The following CDH23 variants were observed in gnomAD, a reference collection of about 807,000 sequenced individuals.
The protein encoded by CDH23 is cadherin related 23.
In CDH23, 189 loss-of-function variants were observed where a neutral mutation model predicts 317.1. The observed-to-expected ratio is 0.60, with a 90% confidence interval of 0.53 to 0.67. The LOEUF is 0.67. Among genes scored for constraint, CDH23 ranks in the 30% least tolerant of loss-of-function variants. The pLI is 0.00. For synonymous variants in CDH23, 1,839 were observed against 1,876.8 expected (o/e 0.98, Z 0.52); for missense variants, 4,401 against 4,592.4 (o/e 0.96, Z 1.20).
At chr10:71,813,030 G>A (rs1841995234) in intron 68 of CDH23, 140 bp downstream of exon 68, 3 of 1,400,076 alleles carry the variant, frequency 2.1e-6, no homozygotes, top group Admixed American at 4.1e-5. Context: ...CTGATGGGGG[G>A]CTACTCCAGC....
chr10:71,541,510 G>C lies in CDH23; in HGVS notation c.430-25232G>C, dbSNP rs75256431. ...GCTAGGAGGAAACTTCTTCACTCTG[G>C]ACATTGAGGAGCACTGTGGAGAGTG... is the stretch of plus-strand genomic sequence containing the variant. On this transcript the variant is annotated intron_variant, in intron 6 of 69. Coordinates refer to ENST00000224721, the MANE Select transcript of CDH23 (RefSeq NM_022124.6). Among the ~76,000 whole-genome samples, 1,407 of 152,352 alleles carry C rather than the reference G, an allele frequency of 9.2e-3. 26 individuals carry two copies. The highest frequency in any genetic ancestry group is 0.032 in the African/African-American group (1,347 of 41,580).
chr10:71,567,269 G>A (rs1230243890), intron 7 of CDH23, among the ~76,000 whole-genome samples: 1 of 152,196 alleles, frequency 6.6e-6, no homozygotes, highest in Non-Finnish European at 1.5e-5. Flanking sequence ...CGACTCCATA[G>A]CCTGCTCGGG....
chr10:71,706,173 G>A (rs976831162), intron 25 of CDH23, among the ~76,000 whole-genome samples: 1 of 152,208 alleles, frequency 6.6e-6, no homozygotes, highest in African/African-American at 2.4e-5. Context: ...GAACCCAAGT[G>A]GGGTGGGGAT....
At chr10:71,800,015 C>T (rs1271244291) in intron 52 of CDH23, among the ~76,000 whole-genome samples, 1 of 152,252 alleles carries the variant, frequency 6.6e-6, no homozygotes, top group Non-Finnish European at 1.5e-5. Context: ...CTACTGTATA[C>T]ATGGCCCTAT....
intron 9 of CDH23, among the ~76,000 whole-genome samples, chr10:71,603,613 AG>A (rs113275050): frequency 9.9e-5 from 15 of 152,152 alleles, no homozygotes; most frequent in Admixed American, 5.2e-4. Flanking sequence ...AGCAGGCAGC[AG>A]GGGGGGCCTC....
In CDH23 at chr10:71,738,515, G is replaced by A. The variant is rs1351668789; in HGVS notation, c.4227G>A (p.Leu1409=). Residue 1409 remains leucine (L), a synonymous_variant, in exon 35 of 70, where the codon CTG becomes CTA. Coordinates refer to ENST00000224721, the MANE Select transcript of CDH23 (RefSeq NM_022124.6). The part of the protein sequence containing the change: ...DSTVKVYITV[L]DENDNSPRFD... Reference sequence around the variant, plus strand: ...ACCCTCAGGTCTACATCACTGTGCTGGACGAGAATGACAACAGCCCCCGGT... The same window carrying A: ...ACCCTCAGGTCTACATCACTGTGCTAGACGAGAATGACAACAGCCCCCGGT... 1 of 1,613,880 alleles carries A rather than the reference G, an allele frequency of 6.2e-7. No individual in the cohort carries two copies. The highest frequency in any genetic ancestry group is 8.5e-7 in the Non-Finnish European group (1 of 1,179,920).
intron 55 of CDH23, among the ~76,000 whole-genome samples, chr10:71,804,021 C>T (rs1278862631): frequency 6.6e-6 from 1 of 151,448 alleles, no homozygotes; most frequent in Non-Finnish European, 1.5e-5. Flanking sequence ...TGAAGTCTAA[C>T]TCTATCGCTT....
chr10:71,708,774 G>A (rs890965816), intron 26 of CDH23, among the ~76,000 whole-genome samples: 5 of 152,268 alleles, frequency 3.3e-5, no homozygotes, highest in African/African-American at 1.2e-4. Context: ...CCCACGCATG[G>A]AGAAACCCAG....
chr10:71,785,798 C>A (rs1841090305), intron 44 of CDH23, 60 bp downstream of exon 44: 2 of 990,854 alleles, frequency 2.0e-6, no homozygotes, highest in Non-Finnish European at 1.6e-6. Context: ...GGAGAGAGAA[C>A]ACATCACCCC....
chr10:71,506,077 A>G (rs758626336), intron 3 of CDH23, among the ~76,000 whole-genome samples: 1 of 152,260 alleles, frequency 6.6e-6, no homozygotes, highest in Non-Finnish European at 1.5e-5. Flanking sequence ...GTACTGATAC[A>G]TGCTACAACA....
chr10:71,416,564 C>T (rs1265561078), intron 1 of CDH23, among the ~76,000 whole-genome samples: 1 of 152,102 alleles, frequency 6.6e-6, no homozygotes, highest in Non-Finnish European at 1.5e-5. Context: ...TTACATTTTC[C>T]TTTGGAGTAA....
chr10:71,415,089 C>G (rs553798400), intron 1 of CDH23, among the ~76,000 whole-genome samples: 1 of 152,086 alleles, frequency 6.6e-6, no homozygotes, highest in African/African-American at 2.4e-5. Context: ...TGTATCTTCT[C>G]TTTCATTTTT....
chr10:71,628,617 C>T (rs922602031), intron 11 of CDH23, among the ~76,000 whole-genome samples: 6 of 152,142 alleles, frequency 3.9e-5, no homozygotes, highest in African/African-American at 1.4e-4. Flanking sequence ...CCTGCCTCAG[C>T]CTCCTGAGTA....
intron 3 of CDH23, among the ~76,000 whole-genome samples, chr10:71,500,815 T>TC (rs200998320): frequency 0.032 from 4,295 of 133,614 alleles, 92 homozygotes; most frequent in Middle Eastern, 0.048. Context: ...TTTTCTTTTC[T>TC]TTTCTCTTTC....
intron 40 of CDH23, 53 bp downstream of exon 40, chr10:71,778,361 G>A: frequency 1.2e-6 from 2 of 1,608,596 alleles, no homozygotes; most frequent in Non-Finnish European, 1.7e-6. Flanking sequence ...GCGAAGGATG[G>A]GACCCAGAAA....
chr10:71,568,171 G>A (rs559417719), intron 7 of CDH23, among the ~76,000 whole-genome samples: 8 of 152,338 alleles, frequency 5.3e-5, no homozygotes, highest in Admixed American at 2.0e-4. Flanking sequence ...TGACACTCAC[G>A]TTCTTTCCTT....
chr10:71,531,948 G>A (rs963824677), intron 6 of CDH23, among the ~76,000 whole-genome samples: 1 of 152,102 alleles, frequency 6.6e-6, no homozygotes, highest in African/African-American at 2.4e-5. Context: ...AAGAGTTTGG[G>A]GCTGGACTAA....
At chr10:71,710,217 G>T (rs1865924373) in intron 27 of CDH23, among the ~76,000 whole-genome samples, 1 of 152,188 alleles carries the variant, frequency 6.6e-6, no homozygotes, top group African/African-American at 2.4e-5. Context: ...CACATTCTCA[G>T]GTTCAAGTGC....
intron 27 of CDH23, among the ~76,000 whole-genome samples, chr10:71,709,855 A>G (rs1865911156): frequency 6.6e-6 from 1 of 152,144 alleles, no homozygotes; most frequent in Admixed American, 6.5e-5. Context: ...TTACAGTTCC[A>G]CGTGGCTGGG....
Sources: allele counts gnomAD v4.1 joint callset (sites outside exome capture counted in the v4.1 genomes callset), GRCh38; gene constraint gnomAD v4.1.1; transcripts MANE v1.5; gene names NCBI Gene and HGNC (gene_info 2026-07-23, HGNC 2026-07-21).